ZNF391: variants seen among roughly 807,000 people sequenced by gnomAD.
ZNF391 encodes the protein zinc finger protein 391.
For missense variants in ZNF391, 375 were observed against 425.5 expected (o/e 0.88, Z 1.04); for synonymous variants, 126 against 142.1 (o/e 0.89, Z 0.80).
upstream of ZNF391, among the ~76,000 whole-genome samples, chr6:27,385,667 A>C (rs1223087655): frequency 6.6e-6 from 1 of 152,202 alleles, no homozygotes; most frequent in Non-Finnish European, 1.5e-5. Flanking sequence ...GAAGGAAGAG[A>C]TGCATCTACT....
chr6:27,388,113 T>A (rs1489873629), upstream of ZNF391, among the ~76,000 whole-genome samples: 4 of 152,168 alleles, frequency 2.6e-5, no homozygotes, highest in African/African-American at 9.6e-5. Flanking sequence ...GTTGCCCTCC[T>A]TTATGTTTTC....
intron 1 of ZNF391, among the ~76,000 whole-genome samples, chr6:27,380,449 C>T (rs1761480793): frequency 6.6e-6 from 1 of 152,216 alleles, no homozygotes; most frequent in African/African-American, 2.4e-5. Context: ...AAGAGTGAAG[C>T]TGCAGACCTT....
chr6:27,392,940 A>G (rs1761746704), intron 1 of ZNF391, among the ~76,000 whole-genome samples: 1 of 152,034 alleles, frequency 6.6e-6, no homozygotes, highest in South Asian at 2.1e-4. Flanking sequence ...CAATATTCAT[A>G]CAATTCTTAG....
rs1762007110 is a variant in ZNF391, at chr6:27,402,943, T to A, written c.*1496T>A. On this transcript the variant is annotated 3_prime_UTR_variant, in exon 3 of 3. Coordinates refer to ENST00000244576, the MANE Select transcript of ZNF391 (RefSeq NM_001076781.3). ...ACATCACAAAGTACTGAGTAGACAC[T>A]AAATGCTCTGTAATTATTGCTCACT... The A allele has an allele frequency of 6.6e-6, 1 of 152,200 alleles. No individual in the cohort carries two copies. The highest frequency in any genetic ancestry group is 2.4e-5 in the African/African-American group (1 of 41,462). The allele number at this position is 152,200 out of a possible 1,614,324, so 9.4% of individuals were successfully genotyped here. A position where few individuals can be genotyped will look rare whatever the true frequency, so the allele number is the denominator to read the frequency against.
upstream of ZNF391, among the ~76,000 whole-genome samples, chr6:27,384,187 G>C (rs1761548040): frequency 6.6e-6 from 1 of 152,112 alleles, no homozygotes. Flanking sequence ...ACATGGGCTG[G>C]GTGTGGTGGC....
intron 1 of ZNF391, among the ~76,000 whole-genome samples, chr6:27,375,924 A>G (rs1761410616): frequency 6.6e-6 from 1 of 152,188 alleles, no homozygotes; most frequent in African/African-American, 2.4e-5. Flanking sequence ...CCGTTACAGA[A>G]TTTTTGGGAG....
At chr6:27,399,028 G>C (rs1370853180) in intron 1 of ZNF391, among the ~76,000 whole-genome samples, 1 of 152,060 alleles carries the variant, frequency 6.6e-6, no homozygotes, top group Non-Finnish European at 1.5e-5. Context: ...GAATGTTAGG[G>C]GTCAGAAGAT....
At chr6:27,399,357 T>C (rs1761899931) in intron 1 of ZNF391, 85 bp from the exon 2 acceptor site, 1 of 152,262 alleles carries the variant, frequency 6.6e-6, no homozygotes, top group South Asian at 2.1e-4. Context: ...ACCTTTTCTA[T>C]AGATAAAAAC....
chr6:27,394,273 A>C (rs956789707), intron 1 of ZNF391, among the ~76,000 whole-genome samples: 2 of 152,230 alleles, frequency 1.3e-5, no homozygotes, highest in African/African-American at 4.8e-5. Flanking sequence ...AGGATTTCAG[A>C]GCCAGATCCT....
Position 27,374,667 on chromosome 6 carries a change from G to T in ZNF391, n.53G>T, listed in dbSNP as rs1227688241. On this transcript the variant is annotated non_coding_transcript_exon_variant, in exon 1 of 3. Transcript: ENST00000477999. The surrounding 1 kb of genome is among the most constrained non-coding windows in gnomAD (Gnocchi z 5.3). The stretch of plus-strand genomic sequence containing the variant: ...TCCCTGGTCCCAGCCAGCGGGAGCG[G>T]CTTCTCCAGTTTGTGGCTCTCGGAG... 6.6e-6 allele frequency: 1 copy of T among 151,996 alleles called. No individual in the cohort carries two copies. The highest frequency in any genetic ancestry group is 2.4e-5 in the African/African-American group (1 of 41,370). The allele number at this position is 151,996 out of a possible 1,614,324, so 9.4% of individuals were successfully genotyped here. A position where few individuals can be genotyped will look rare whatever the true frequency, so the allele number is the denominator to read the frequency against.
In ZNF391 at chr6:27,388,850, A is replaced by AGAGG. The variant is rs1425033216; in HGVS notation, c.-410_-409insGGAG. 1 of 448,890 alleles carries AGAGG rather than the reference A, an allele frequency of 2.2e-6. No individual in the cohort carries two copies. Among genetic ancestry groups the AGAGG allele is most frequent in the Non-Finnish European group, 4.4e-6 (1 of 224,962 alleles). 27.8% of individuals were successfully genotyped at this position (448,890 alleles called of 1,614,324 possible). The stretch of plus-strand genomic sequence containing the variant: ...CAATGACTGGTCCCGCATACCGAGC[A>AGAGG]GAGCATGATCAGCAGCAGTCTGAGT... On this transcript the variant is annotated 5_prime_UTR_variant, in exon 1 of 3. An upstream open reading frame in the 5' UTR gains an earlier in-frame stop. Coordinates refer to ENST00000244576, the MANE Select transcript of ZNF391 (RefSeq NM_001076781.3).
In ZNF391 at chr6:27,374,731, T is replaced by C. The variant is rs1464602807; in HGVS notation, n.117T>C. On this transcript the variant is annotated non_coding_transcript_exon_variant, in exon 1 of 3. Coordinates refer to the ZNF391 transcript ENST00000477999. The surrounding 1 kb of genome is among the most constrained non-coding windows in gnomAD (Gnocchi z 5.3). ...CCTCCCTCTCAGATAACCACCTATT[T>C]CTGACCTCTGGAGGCCGGGCTGAGC... 1 of 151,980 alleles carries C rather than the reference T, an allele frequency of 6.6e-6. No individual in the cohort carries two copies. The highest frequency in any genetic ancestry group is 1.5e-5 in the Non-Finnish European group (1 of 67,986). The allele number at this position is 151,980 out of a possible 1,614,324, so 9.4% of individuals were successfully genotyped here.
intron 1 of ZNF391, among the ~76,000 whole-genome samples, chr6:27,397,336 C>A (rs1761849358): frequency 6.6e-6 from 1 of 152,184 alleles, no homozygotes; most frequent in African/African-American, 2.4e-5. Flanking sequence ...TGAGGAAGAA[C>A]TCACTTATCA....
intron 1 of ZNF391, among the ~76,000 whole-genome samples, chr6:27,394,844 A>C (rs889851914): frequency 3.3e-5 from 5 of 152,212 alleles, no homozygotes. Flanking sequence ...TGTGGGACAT[A>C]TAGGAGCTTA....
intron 2 of ZNF391, 59 bp from the exon 3 acceptor site, chr6:27,400,234 T>C: frequency 1.4e-6 from 1 of 692,456 alleles, no homozygotes; most frequent in Non-Finnish European, 2.3e-6. Context: ...TCTGCTGGTT[T>C]ATTTTCTTTG....
At chr6:27,392,862 A>G (rs1761744400) in intron 1 of ZNF391, among the ~76,000 whole-genome samples, 1 of 152,190 alleles carries the variant, frequency 6.6e-6, no homozygotes, top group African/African-American at 2.4e-5. Context: ...TCTGTACTTC[A>G]CACTATTTTT....
upstream of ZNF391, among the ~76,000 whole-genome samples, chr6:27,387,021 C>G (rs577628074): frequency 5.9e-5 from 9 of 152,114 alleles, no homozygotes; most frequent in African/African-American, 2.2e-4. Context: ...ACAACAAAAC[C>G]TAATTCAAAA....
Position 27,389,008 on chromosome 6 carries a change from C to T in ZNF391, c.-255C>T, listed in dbSNP as rs1345569799. 1 of 456,388 alleles carries T rather than the reference C, an allele frequency of 2.2e-6. No homozygotes were observed. Among genetic ancestry groups the T allele is most frequent in the South Asian group, 1.5e-5 (1 of 64,538 alleles). The allele number at this position is 456,388 out of a possible 1,614,324, so 28.3% of individuals were successfully genotyped here. A position where few individuals can be genotyped will look rare whatever the true frequency, so the allele number is the denominator to read the frequency against. On this transcript the variant is annotated 5_prime_UTR_variant, in exon 1 of 3. Coordinates refer to ENST00000244576, the MANE Select transcript of ZNF391 (RefSeq NM_001076781.3). ...TTCCGCTCCAAGTGCGGGACCCGCC[C>T]GGGGTGTGTCGGGGGTACTCGGCCG...
chr6:27,376,254 GAATT>G lies in ZNF391; in HGVS notation n.523+1119_523+1122del, dbSNP rs768296360. Among the ~76,000 whole-genome samples, 7 of 152,138 alleles carry G rather than the reference GAATT, an allele frequency of 4.6e-5. No homozygotes were observed. Among genetic ancestry groups the G allele is most frequent in the Non-Finnish European group, 1.0e-4 (7 of 68,026 alleles). On this transcript the variant is annotated intron_variant and non_coding_transcript_variant, in intron 1 of 2. Coordinates refer to the ZNF391 transcript ENST00000477999. The surrounding 1 kb of genome is among the most constrained non-coding windows in gnomAD (Gnocchi z 4.7). ...AAGAATTTTGCTATTTGAAATGAAT[GAATT>G]ATTAATGAATTATTATTAACACATT... is the stretch of plus-strand genomic sequence containing the variant.
Sources: gnomAD v4.1 joint callset for allele counts (sites outside exome capture counted in the v4.1 genomes callset) on GRCh38, gnomAD v4.1.1 for gene constraint, Gnocchi (gnomAD v3.1) non-coding constraint, MANE v1.5 for transcripts, NCBI Gene and HGNC (gene_info 2026-07-23, HGNC 2026-07-21) for gene names.